The following FAM83D variants were observed in gnomAD, a reference collection of about 807,000 sequenced individuals.
FAM83D encodes scaffolding CK1 anchoring protein D.
A neutral mutation model predicts 25.4 loss-of-function variants in FAM83D; 26 were observed. That is an observed-to-expected ratio of 1.02 (90% CI 0.75 to 1.42). The LOEUF is 1.42. FAM83D is among the 40% of genes most tolerant of loss of function. FAM83D has a pLI of 0.00. For missense variants in FAM83D, 740 were observed against 758.1 expected (o/e 0.98, Z 0.28); for synonymous variants, 310 against 318.5 (o/e 0.97, Z 0.28).
chr20:38,947,548 C>T (rs1003476819), intron 2 of FAM83D, among the ~76,000 whole-genome samples: 2 of 152,212 alleles, frequency 1.3e-5, no homozygotes, highest in Non-Finnish European at 2.9e-5. Flanking sequence ...GCTTCAGAAT[C>T]ATTTCTTGGA....
At chr20:38,935,620 T>A (rs954373853) in intron 1 of FAM83D, among the ~76,000 whole-genome samples, 4 of 152,098 alleles carry the variant, frequency 2.6e-5, no homozygotes, top group Non-Finnish European at 2.9e-5. Flanking sequence ...ATTAAAAAAA[T>A]TTTTTCTGGA....
chr20:38,931,217 G>A (rs961751204), intron 1 of FAM83D, among the ~76,000 whole-genome samples: 1 of 152,224 alleles, frequency 6.6e-6, no homozygotes, highest in African/African-American at 2.4e-5. Context: ...TCTATAAACA[G>A]GAAAATGACA....
At chr20:38,943,608 C>A (rs1568698508) in intron 2 of FAM83D, among the ~76,000 whole-genome samples, 1 of 152,108 alleles carries the variant, frequency 6.6e-6, no homozygotes, top group African/African-American at 2.4e-5. Flanking sequence ...CAGTGGAAGC[C>A]TATACAACAT....
chr20:38,944,042 GC>G (rs2085715177), intron 2 of FAM83D, among the ~76,000 whole-genome samples: 2 of 152,140 alleles, frequency 1.3e-5, no homozygotes, highest in African/African-American at 4.8e-5. Flanking sequence ...CAGCCTTTTG[GC>G]TAAGATCAAG....
At chr20:38,937,486 C>G (rs975331839) in intron 1 of FAM83D, among the ~76,000 whole-genome samples, 1 of 152,134 alleles carries the variant, frequency 6.6e-6, no homozygotes, top group African/African-American at 2.4e-5. Flanking sequence ...GTGGATGAGT[C>G]CAGGTCATTG....
chr20:38,945,073 C>T (rs75947695), intron 2 of FAM83D, among the ~76,000 whole-genome samples: 1 of 152,164 alleles, frequency 6.6e-6, no homozygotes, highest in Non-Finnish European at 1.5e-5. Context: ...GTGCCCCTTG[C>T]TGTATGGGGG....
chr20:38,945,572 C>CTT (rs1235720145), intron 2 of FAM83D, among the ~76,000 whole-genome samples: 2 of 152,120 alleles, frequency 1.3e-5, no homozygotes, highest in Non-Finnish European at 2.9e-5. Flanking sequence ...AATTTACAGA[C>CTT]TTATACATTT....
intron 1 of FAM83D, among the ~76,000 whole-genome samples, chr20:38,927,954 T>A (rs910598018): frequency 6.6e-6 from 1 of 152,248 alleles, no homozygotes; most frequent in Non-Finnish European, 1.5e-5. Flanking sequence ...GTTTTGGTCC[T>A]ACTGTCTGAC....
Position 38,930,932 on chromosome 20 carries a change from G to A in FAM83D, c.483+4007G>A, listed in dbSNP as rs919956994. Among the ~76,000 whole-genome samples the A allele has an allele frequency of 9.2e-5, 14 of 152,070 alleles. No homozygotes were observed. The East Asian group carries it at 1.9e-3, about 21-fold the overall frequency. ...ATTACAGGCGTGAGCCACTGCGCCC[G>A]GCCAATTTTTGTGTTTTTAGTAGAG... On this transcript the variant is annotated intron_variant, in intron 1 of 3. Transcript: ENST00000619850.
chr20:38,941,004 G>T (rs1300997447), intron 1 of FAM83D, among the ~76,000 whole-genome samples: 1 of 152,196 alleles, frequency 6.6e-6, no homozygotes, highest in East Asian at 1.9e-4. Context: ...AATTTGCCCA[G>T]GAATGCATGG....
At chr20:38,938,259 G>T (rs566585509) in intron 1 of FAM83D, among the ~76,000 whole-genome samples, 1 of 152,330 alleles carries the variant, frequency 6.6e-6, no homozygotes, top group East Asian at 1.9e-4. Flanking sequence ...GGGCCCCCAG[G>T]CCCATGCCCC....
chr20:38,926,840 C>T lies in FAM83D; in HGVS notation c.398C>T (p.Thr133Met), dbSNP rs1376816971. The T allele has an allele frequency of 3.9e-6, 6 of 1,532,332 alleles. No homozygotes were observed. The highest frequency in any genetic ancestry group is 4.4e-6 in the Non-Finnish European group (5 of 1,144,806). The allele number at this position is 1,532,332 out of a possible 1,614,324, so 94.9% of individuals were successfully genotyped here. ...TACCGCGGCGCCACGCGTGTCGAGA[C>T]GCACTTCCAGCCCCGCGGCGCTGGC... ...GAYRGATRVE[T>M]HFQPRGAGEG... Residue 133 changes from threonine (T) to methionine (M), a missense_variant, in exon 1 of 4, where the codon ACG (threonine) becomes ATG (methionine). Around this residue, in one of 3 missense-constraint regions of FAM83D, gnomAD observed 333 missense variants for 298.6 expected, o/e 1.12. Coordinates refer to ENST00000619850, the MANE Select transcript of FAM83D (RefSeq NM_030919.3).
chr20:38,934,839 T>C (rs2085672201), intron 1 of FAM83D, among the ~76,000 whole-genome samples: 1 of 152,176 alleles, frequency 6.6e-6, no homozygotes, highest in South Asian at 2.1e-4. Context: ...TACTGACCAG[T>C]GTAGTAGCCA....
rs189792658 is a variant in FAM83D at position 38,930,507 on chromosome 20, G to A, written c.483+3582G>A. 8.1e-4 allele frequency among the ~76,000 whole-genome samples: 123 copies of A among 152,092 alleles called. 1 individual carries two copies. The highest frequency in any genetic ancestry group is 2.7e-3 in the African/African-American group (113 of 41,514). On this transcript the variant is annotated intron_variant, in intron 1 of 3. Transcript: ENST00000619850. ...TTGTTATTATTTTTTTTAAGACAGAGTCTTGCTCTGTCACCCACGCTGGAG... is the reference window on the plus strand; with the variant it reads ...TTGTTATTATTTTTTTTAAGACAGAATCTTGCTCTGTCACCCACGCTGGAG...
intron 3 of FAM83D, among the ~76,000 whole-genome samples, chr20:38,949,286 C>G (rs1322169650): frequency 2.6e-5 from 4 of 151,994 alleles, no homozygotes; most frequent in African/African-American, 4.8e-5. Context: ...CTCAGCCTCC[C>G]GAGTAGCTGG....
chr20:38,949,481 A>G (rs1426217804), intron 3 of FAM83D, among the ~76,000 whole-genome samples: 1 of 152,114 alleles, frequency 6.6e-6, no homozygotes, highest in East Asian at 1.9e-4. Flanking sequence ...AAGGCTTTCA[A>G]AAGAATCTTC....
intron 1 of FAM83D, among the ~76,000 whole-genome samples, chr20:38,939,133 A>C (rs1226612687): frequency 6.6e-6 from 1 of 152,150 alleles, no homozygotes; most frequent in Non-Finnish European, 1.5e-5. Context: ...ATACCCCGTC[A>C]TGCCCTACCT....
At chr20:38,933,186 A>G (rs139661419) in intron 1 of FAM83D, among the ~76,000 whole-genome samples, 389 of 152,286 alleles carry the variant, frequency 2.6e-3, no homozygotes, top group African/African-American at 9.1e-3. Flanking sequence ...TAGGACGTTG[A>G]GTAGCATCCA....
chr20:38,939,156 T>C (rs2085691011), intron 1 of FAM83D, among the ~76,000 whole-genome samples: 2 of 152,168 alleles, frequency 1.3e-5, no homozygotes. Flanking sequence ...TCCTCTGTTA[T>C]CATGTGGCTT....
Sources: allele counts gnomAD v4.1 joint callset (sites outside exome capture counted in the v4.1 genomes callset), GRCh38; gene constraint gnomAD v4.1.1; regional missense constraint gnomAD v4.1.1; transcripts MANE v1.5; gene names NCBI Gene and HGNC (gene_info 2026-07-23, HGNC 2026-07-21).